The following ACTR3 variants were observed in gnomAD, a reference collection of about 807,000 sequenced individuals.
ACTR3 encodes the protein actin related protein 3, also known as actin-related protein 3.
Under a neutral mutation model 56.8 loss-of-function variants are expected in ACTR3, and 12 were observed. The observed-to-expected ratio is 0.21, with a 90% CI of 0.14 to 0.34. ACTR3 has a LOEUF of 0.34. ACTR3 is among the 10% of genes least tolerant of loss of function. ACTR3 has a pLI of 1.00. For synonymous variants in ACTR3, 162 were observed against 167.4 expected (o/e 0.97, Z 0.25); for missense variants, 282 against 512.5 (o/e 0.55, Z 4.34).
intron 4 of ACTR3, among the ~76,000 whole-genome samples, chr2:113,930,654 C>T (rs906375910): frequency 6.6e-6 from 1 of 152,144 alleles, no homozygotes; most frequent in African/African-American, 2.4e-5. Context: ...CCAAGACTGC[C>T]AGATCTCTGA....
intron 8 of ACTR3, among the ~76,000 whole-genome samples, chr2:113,949,238 C>T (rs1283960103): frequency 2.0e-5 from 3 of 151,094 alleles, no homozygotes; most frequent in South Asian, 2.1e-4. Context: ...ATTAGCCGGG[C>T]GTGGTGGCGG....
intron 4 of ACTR3, among the ~76,000 whole-genome samples, chr2:113,930,827 T>C (rs1679707837): frequency 6.6e-6 from 1 of 152,220 alleles, no homozygotes; most frequent in African/African-American, 2.4e-5. Context: ...GCTGTACCAT[T>C]AGATCTGTAG....
intron 6 of ACTR3, among the ~76,000 whole-genome samples, chr2:113,937,657 C>T (rs956772381): frequency 6.6e-6 from 1 of 152,210 alleles, no homozygotes; most frequent in African/African-American, 2.4e-5. Context: ...CTGTAGATGT[C>T]ACTCCACTGT....
intron 6 of ACTR3, among the ~76,000 whole-genome samples, chr2:113,937,632 G>T (rs184634422): frequency 5.4e-4 from 83 of 152,294 alleles, no homozygotes; most frequent in African/African-American, 1.8e-3. Flanking sequence ...GGTATAGAAG[G>T]TTGACAGTTT....
intron 3 of ACTR3, among the ~76,000 whole-genome samples, chr2:113,923,631 G>A (rs12469450): frequency 0.093 from 14,080 of 151,984 alleles, 1,070 homozygotes; most frequent in African/African-American, 0.2. Context: ...CACTGTGCCC[G>A]GCCTGTTTTG....
intron 8 of ACTR3, among the ~76,000 whole-genome samples, chr2:113,947,406 C>CT (rs1306972723): frequency 1.3e-5 from 2 of 152,334 alleles, no homozygotes; most frequent in Non-Finnish European, 2.9e-5. Context: ...AATCCCAGCA[C>CT]TTTGGGAAGC....
intron 1 of ACTR3, among the ~76,000 whole-genome samples, chr2:113,896,691 C>T (rs932862578): frequency 1.3e-5 from 2 of 152,132 alleles, no homozygotes; most frequent in Admixed American, 6.5e-5. Flanking sequence ...GAGAAAAGAA[C>T]GGAAAGATTG....
Position 113,962,548 on chromosome 2 carries a change from T to C in ACTR3, c.*5093T>C, listed in dbSNP as rs1022729630. ...ATTTGGAATTATATTAGAAAGTCGATATCGGAATTGGAACCACACATCTTT... is the reference window on the plus strand; with the variant it reads ...ATTTGGAATTATATTAGAAAGTCGACATCGGAATTGGAACCACACATCTTT... On this transcript the variant is annotated 3_prime_UTR_variant, in exon 12 of 12. Coordinates refer to ENST00000263238, the MANE Select transcript of ACTR3 (RefSeq NM_005721.5). The C allele has an allele frequency of 6.6e-6, 1 of 150,802 alleles. No individual in the cohort carries two copies. The highest frequency in any genetic ancestry group is 2.4e-5 in the African/African-American group (1 of 41,390). 9.3% of individuals were successfully genotyped at this position (150,802 alleles called of 1,614,324 possible).
At chr2:113,928,014 C>T (rs1679651137) in intron 4 of ACTR3, among the ~76,000 whole-genome samples, 1 of 151,086 alleles carries the variant, frequency 6.6e-6, no homozygotes, top group Non-Finnish European at 1.5e-5. Flanking sequence ...TAACATGTTT[C>T]TTTTATTTAA....
At chr2:113,916,557 A>T (rs1325523949) in intron 2 of ACTR3, among the ~76,000 whole-genome samples, 1 of 152,110 alleles carries the variant, frequency 6.6e-6, no homozygotes, top group East Asian at 1.9e-4. Flanking sequence ...TTCATCAAGC[A>T]TATGTGGATT....
At chr2:113,950,444 C>T (rs4849296) in intron 8 of ACTR3, among the ~76,000 whole-genome samples, 71,037 of 152,088 alleles carry the variant, frequency 0.47, 20,347 homozygotes, top group Middle Eastern at 0.66. Context: ...CTTGTTCAAC[C>T]TCAATGGGGA....
rs758923957 is a variant in ACTR3 at position 113,951,511 on chromosome 2, A to G, written c.891A>G (p.Ser297=). 2 of 1,612,008 alleles carry G rather than the reference A, an allele frequency of 1.2e-6. No homozygotes were observed. Among genetic ancestry groups the G allele is most frequent in the Non-Finnish European group, 1.7e-6 (2 of 1,178,278 alleles). ...ATCCAGACTTTACACAACCTATCTC[A>G]GAAGTTGTAGATGAAGTAATTCAGA... ...FANPDFTQPI[S]EVVDEVIQNC... The change falls in exon 9 of 12, where the codon TCA becomes TCG. Residue 297 remains serine (S), a synonymous_variant. Coordinates refer to ENST00000263238, the MANE Select transcript of ACTR3 (RefSeq NM_005721.5).
chr2:113,893,940 ATC>A (rs1305636451), intron 1 of ACTR3, among the ~76,000 whole-genome samples: 1 of 152,188 alleles, frequency 6.6e-6, no homozygotes, highest in Non-Finnish European at 1.5e-5. Flanking sequence ...GAGTATGTTC[ATC>A]TTGTGGCCAC....
chr2:113,942,376 G>C lies in ACTR3; in HGVS notation c.858+17G>C. 1 of 1,543,602 alleles carries C rather than the reference G, an allele frequency of 6.5e-7. No individual in the cohort carries two copies. Among genetic ancestry groups the C allele is most frequent in the East Asian group, 2.3e-5 (1 of 43,130 alleles). On this transcript the variant is annotated intron_variant, in intron 8 of 11. Transcript: ENST00000263238. ...CATCCAGAGGTAATTTTTTTTAACG[G>C]AATTGTTTAAAAGTATTCAGCAGCA...
At chr2:113,913,717 T>C (rs1470073640) in intron 2 of ACTR3, among the ~76,000 whole-genome samples, 1 of 152,248 alleles carries the variant, frequency 6.6e-6, no homozygotes, top group African/African-American at 2.4e-5. Context: ...TCAGCTGTTT[T>C]CTAATATCCC....
intron 5 of ACTR3, 74 bp downstream of exon 5, chr2:113,931,470 CTTTT>C: frequency 1.5e-5 from 10 of 687,476 alleles, no homozygotes; most frequent in Admixed American, 3.6e-5. Flanking sequence ...AAAATACGTA[CTTTT>C]TTTTTTTTTC....
intron 1 of ACTR3, among the ~76,000 whole-genome samples, chr2:113,891,784 A>G (rs1400291532): frequency 6.6e-6 from 1 of 152,112 alleles, no homozygotes; most frequent in African/African-American, 2.4e-5. Context: ...ACTTCTTAAT[A>G]TTCTCCTAGG....
intron 3 of ACTR3, among the ~76,000 whole-genome samples, chr2:113,922,193 G>A (rs967145491): frequency 1.3e-5 from 2 of 152,152 alleles, no homozygotes; most frequent in Non-Finnish European, 2.9e-5. Flanking sequence ...GATTGGGAGG[G>A]AGAGAGAGAT....
intron 3 of ACTR3, among the ~76,000 whole-genome samples, chr2:113,921,196 T>A (rs1335274984): frequency 6.6e-6 from 1 of 152,222 alleles, no homozygotes; most frequent in African/African-American, 2.4e-5. Flanking sequence ...TTTCTGGTTT[T>A]GATTTGCATT....
Sources: allele counts gnomAD v4.1 joint callset (sites outside exome capture counted in the v4.1 genomes callset), GRCh38; gene constraint gnomAD v4.1.1; transcripts MANE v1.5; gene names NCBI Gene and HGNC (gene_info 2026-07-23, HGNC 2026-07-21).